Variants in SLC16A7 observed in about 807,000 individuals in gnomAD.
SLC16A7 encodes monocarboxylate transporter 2.
SLC16A7 carries 33 observed loss-of-function variants against 34.9 expected under a neutral mutation model. The ratio of observed to expected loss-of-function variants is 0.94; its 90% CI spans 0.72 to 1.26. The LOEUF is 1.26. Ranked by LOEUF, SLC16A7 falls within the 50% of genes most tolerant of loss-of-function variation. The pLI, the probability that SLC16A7 is intolerant of heterozygous loss-of-function variation, is 0.00. For synonymous variants in SLC16A7, 201 were observed against 206.6 expected (o/e 0.97, Z 0.23); for missense variants, 573 against 578.1 (o/e 0.99, Z 0.09).
chr12:59,720,024 A>G (rs750470791), intron 3 of SLC16A7: 10 of 677,136 alleles, frequency 1.5e-5, no homozygotes, highest in African/African-American at 7.3e-5. Context: ...GTTTTTGTAA[A>G]CTTTTCTGGA....
rs1453839334 is a variant in SLC16A7 at position 59,596,627 on chromosome 12, C to T, written c.-130+391C>T. 6.6e-6 allele frequency among the ~76,000 whole-genome samples: 1 copy of T among 152,034 alleles called. No homozygotes were observed. The highest frequency in any genetic ancestry group is 6.5e-5 in the Admixed American group (1 of 15,276). On this transcript the variant is annotated intron_variant, in intron 1 of 5. Transcript: ENST00000547379. This position sits in a 1 kb window ranked among gnomAD's most constrained non-coding sequence, Gnocchi z 5.0. ...TCCCTGGCTCACGGGACTCCGAGGG[C>T]TGCTTCCAGTGCGGCGTGTCTCTAG...
intron 3 of SLC16A7, among the ~76,000 whole-genome samples, chr12:59,721,609 A>G (rs1875603030): frequency 6.6e-6 from 1 of 151,936 alleles, no homozygotes; most frequent in South Asian, 2.1e-4. Context: ...CCCTTTAAGC[A>G]AAACTTCTTG....
chr12:59,723,005 G>T (rs1468856177), intron 3 of SLC16A7, among the ~76,000 whole-genome samples: 16 of 151,654 alleles, frequency 1.1e-4, no homozygotes. Flanking sequence ...ACCTCCCTTG[G>T]CAAATGGTTA....
In SLC16A7 at chr12:59,780,526, T is replaced by C. The variant is rs1883169491; in HGVS notation, c.*847T>C. 6.6e-6 allele frequency: 1 copy of C among 152,098 alleles called. No individual in the cohort carries two copies. Among genetic ancestry groups the C allele is most frequent in the African/African-American group, 2.4e-5 (1 of 41,444 alleles). 9.4% of individuals were successfully genotyped at this position (152,098 alleles called of 1,614,324 possible). Reference sequence around the variant, plus strand: ...ACCCTCAAATAATTTTTAGAATTCTTACCTAATATGTAAAAGTCTGCATGA... The same window carrying C: ...ACCCTCAAATAATTTTTAGAATTCTCACCTAATATGTAAAAGTCTGCATGA... On this transcript the variant is annotated 3_prime_UTR_variant, in exon 6 of 6. Transcript: ENST00000547379.
chr12:59,640,511 G>A (rs1238630910), intron 1 of SLC16A7, among the ~76,000 whole-genome samples: 2 of 140,604 alleles, frequency 1.4e-5, no homozygotes, highest in African/African-American at 5.8e-5. Context: ...AATTAAATAC[G>A]TGACATTCTG....
At chr12:59,682,008 A>AAATGATTTCT (rs1870786339) in intron 2 of SLC16A7, among the ~76,000 whole-genome samples, 1 of 152,156 alleles carries the variant, frequency 6.6e-6, no homozygotes, top group Non-Finnish European at 1.5e-5. Context: ...GCTGATCCCA[A>AAATGATTTCT]AGGAACTGGG....
rs1264890477 is a variant in SLC16A7 at position 59,671,935 on chromosome 12, ATGTATATATG to A, written c.-31+16697_-31+16706del. Among the ~76,000 whole-genome samples, 3 of 37,350 alleles carry A rather than the reference ATGTATATATG, an allele frequency of 8.0e-5. 1 individual carries two copies. The highest frequency in any genetic ancestry group is 3.2e-4 in the East Asian group (1 of 3,134). 24.5% of individuals were successfully genotyped at this position (37,350 alleles called of 152,430 possible). A position where few individuals can be genotyped will look rare whatever the true frequency, so the allele number is the denominator to read the frequency against. On this transcript the variant is annotated intron_variant, in intron 2 of 5. Coordinates refer to ENST00000547379, the MANE Select transcript of SLC16A7 (RefSeq NM_001270623.2). ...TATGTATATATGTATATATCCATATATGTATATATGTGTATATATGTATATATGTGTATAT... is the reference window on the plus strand; with the variant it reads ...TATGTATATATGTATATATCCATATATGTATATATGTATATATGTGTATAT...
intron 1 of SLC16A7, chr12:59,597,312 G>A (rs1878468113): frequency 6.6e-6 from 1 of 151,520 alleles, no homozygotes; most frequent in Non-Finnish European, 1.5e-5. Context: ...CTCTACAATT[G>A]TTTTTTGATT....
chr12:59,609,298 G>A (rs112350455), intron 1 of SLC16A7, among the ~76,000 whole-genome samples: 396 of 152,340 alleles, frequency 2.6e-3, no homozygotes, highest in Non-Finnish European at 4.1e-3. Context: ...CCAAAGAACC[G>A]ATAATGGTTG....
chr12:59,706,357 A>G (rs1454045551), intron 3 of SLC16A7, among the ~76,000 whole-genome samples: 2 of 120,056 alleles, frequency 1.7e-5, no homozygotes, highest in South Asian at 2.7e-4. Context: ...TCCTGAAATA[A>G]TTCCCTGTGT....
intron 3 of SLC16A7, among the ~76,000 whole-genome samples, chr12:59,708,817 G>A (rs955281900): frequency 4.0e-5 from 6 of 151,580 alleles, no homozygotes; most frequent in Non-Finnish European, 8.8e-5. Flanking sequence ...AATTAAAAAT[G>A]AAACTAATGA....
chr12:59,641,567 A>C (rs1880687616), intron 1 of SLC16A7, among the ~76,000 whole-genome samples: 1 of 151,268 alleles, frequency 6.6e-6, no homozygotes, highest in South Asian at 2.1e-4. Context: ...ATTTTTTTTT[A>C]GCAGGTATCA....
chr12:59,719,109 C>T (rs1875261580), intron 3 of SLC16A7, among the ~76,000 whole-genome samples: 1 of 152,108 alleles, frequency 6.6e-6, no homozygotes, highest in Admixed American at 6.6e-5. Context: ...TTCAAACAGA[C>T]TATAACACAA....
At chr12:59,770,269 C>T (rs1296186055) in intron 3 of SLC16A7, among the ~76,000 whole-genome samples, 1 of 152,088 alleles carries the variant, frequency 6.6e-6, no homozygotes, top group East Asian at 1.9e-4. Context: ...CTACCGGACT[C>T]TTCTAAATTA....
chr12:59,731,719 G>A (rs996634174), intron 3 of SLC16A7, among the ~76,000 whole-genome samples: 12 of 152,120 alleles, frequency 7.9e-5, no homozygotes, highest in Non-Finnish European at 1.6e-4. Context: ...AGCTCATTTG[G>A]CCCACACCAA....
chr12:59,766,578 A>G (rs537488517), intron 3 of SLC16A7, among the ~76,000 whole-genome samples: 6 of 152,190 alleles, frequency 3.9e-5, no homozygotes, highest in African/African-American at 1.2e-4. Flanking sequence ...TTCTGCATCT[A>G]TTGAGATAAT....
intron 3 of SLC16A7, among the ~76,000 whole-genome samples, chr12:59,737,188 C>T (rs887879344): frequency 3.3e-5 from 5 of 152,198 alleles, no homozygotes; most frequent in Non-Finnish European, 7.4e-5. Context: ...ATACAACTCA[C>T]CTAATCCTCT....
intron 3 of SLC16A7, among the ~76,000 whole-genome samples, chr12:59,746,040 C>T (rs1006803389): frequency 3.3e-5 from 5 of 152,092 alleles, no homozygotes; most frequent in African/African-American, 4.8e-5. Flanking sequence ...TAGTCAATTA[C>T]GGGTTTTAAA....
At chr12:59,651,860 A>T (rs1011833088) in intron 1 of SLC16A7, among the ~76,000 whole-genome samples, 3 of 152,184 alleles carry the variant, frequency 2.0e-5, no homozygotes, top group African/African-American at 7.2e-5. Flanking sequence ...AAAAGCAAAA[A>T]AGATTTAAAA....
Sources: allele counts gnomAD v4.1 joint callset (sites outside exome capture counted in the v4.1 genomes callset), GRCh38; gene constraint gnomAD v4.1.1; non-coding constraint Gnocchi (gnomAD v3.1); transcripts MANE v1.5; gene names NCBI Gene and HGNC (gene_info 2026-07-23, HGNC 2026-07-21).